The following SS18 variants were observed in gnomAD, a reference collection of about 807,000 sequenced individuals.
SS18 encodes protein SSXT.
In SS18, 28 loss-of-function variants were observed where a neutral mutation model predicts 72.5. That is an observed-to-expected ratio of 0.39 (90% CI 0.29 to 0.53). The LOEUF (loss-of-function observed/expected upper bound fraction) is 0.53. SS18 is among the 20% of genes least tolerant of loss of function. SS18 has a pLI of 0.76. For missense variants in SS18, 518 were observed against 535.3 expected (o/e 0.97, Z 0.32); for synonymous variants, 172 against 164.2 (o/e 1.05, Z -0.37).
intron 3 of SS18, among the ~76,000 whole-genome samples, chr18:26,060,386 A>T (rs2054097886): frequency 6.6e-6 from 1 of 152,104 alleles, no homozygotes; most frequent in Non-Finnish European, 1.5e-5. Flanking sequence ...TTGCCAGGGG[A>T]TGGGGAGAGG....
chr18:26,039,401 G>A lies in SS18; in HGVS notation c.663C>T (p.Gly221=), dbSNP rs145989428. 36 of 1,613,594 alleles carry A rather than the reference G, an allele frequency of 2.2e-5. No individual in the cohort carries two copies. Among genetic ancestry groups the A allele is most frequent in the East Asian group, 4.5e-5 (2 of 44,868 alleles). The change falls in exon 6 of 11, where the codon GGC becomes GGT. Residue 221 remains glycine, a synonymous_variant. Coordinates refer to ENST00000415083, the MANE Select transcript of SS18 (RefSeq NM_001007559.3). The part of the protein sequence containing the change: ...PSQQYNMPQG[G]GQHYQGQQPP... ...GCTGCTGTCCTTGGTAATGCTGTCC[G>A]CCTCCCTGTGGCATATTGTATTGCT...
At chr18:26,090,464 G>C in intron 1 of SS18, 37 bp downstream of exon 1, 1 of 1,548,910 alleles carries the variant, frequency 6.5e-7, no homozygotes, top group Non-Finnish European at 8.7e-7. Flanking sequence ...CCCAGAGGCG[G>C]TAAGGGCCTG....
At chr18:26,059,755 G>GT (rs1477855960) in intron 3 of SS18, among the ~76,000 whole-genome samples, 1 of 152,138 alleles carries the variant, frequency 6.6e-6, no homozygotes, top group Non-Finnish European at 1.5e-5. Flanking sequence ...TTGGAGCAAA[G>GT]TAACACAAAC....
At chr18:26,089,771 GAC>G (rs2054682841) in intron 1 of SS18, 1 of 152,244 alleles carries the variant, frequency 6.6e-6, no homozygotes, top group African/African-American at 2.4e-5. Flanking sequence ...AACTGGTCAC[GAC>G]AGTCTCCACC....
chr18:26,048,154 T>C (rs1287333909), intron 5 of SS18, among the ~76,000 whole-genome samples: 2 of 152,258 alleles, frequency 1.3e-5, no homozygotes, highest in African/African-American at 4.8e-5. Context: ...TTATATGCTG[T>C]AGGAATGTGA....
chr18:26,057,522 T>G, intron 4 of SS18, 67 bp downstream of exon 4: 197 of 1,582,410 alleles, frequency 1.2e-4, no homozygotes, highest in Middle Eastern at 3.9e-4. Flanking sequence ...TAGTATCCCT[T>G]GAGCCCCCAT....
Position 26,077,355 on chromosome 18 carries a change from G to A in SS18, c.231+721C>T, listed in dbSNP as rs560339772. 9.7e-4 allele frequency among the ~76,000 whole-genome samples: 147 copies of A among 151,986 alleles called. 3 individuals carry two copies. Among genetic ancestry groups the A allele is most frequent in the Non-Finnish European group, 3.2e-4 (22 of 67,888 alleles). The stretch of plus-strand genomic sequence containing the variant: ...CTAATTACCAGTTTACATGAAATAA[G>A]AGAAACAAAGGAACACGTTAAAGGA... On this transcript the variant is annotated intron_variant, in intron 3 of 10. Transcript: ENST00000415083.
intron 3 of SS18, among the ~76,000 whole-genome samples, chr18:26,076,171 T>C (rs2054407789): frequency 1.3e-5 from 2 of 151,616 alleles, no homozygotes; most frequent in Non-Finnish European, 3.0e-5. Flanking sequence ...GTAATCTGAA[T>C]GAAAATCCCT....
At chr18:26,051,924 G>C (rs1281946222) in intron 5 of SS18, among the ~76,000 whole-genome samples, 3 of 152,014 alleles carry the variant, frequency 2.0e-5, no homozygotes, top group African/African-American at 7.2e-5. Context: ...TCAAAATCTA[G>C]AAAATTTTAT....
chr18:26,066,380 C>G (rs956828713), intron 3 of SS18, among the ~76,000 whole-genome samples: 6 of 152,066 alleles, frequency 3.9e-5, no homozygotes, highest in African/African-American at 1.4e-4. Flanking sequence ...CCTACTCCAC[C>G]TTCACATCTC....
chr18:26,034,491 C>T (rs545453837), intron 9 of SS18, among the ~76,000 whole-genome samples: 1 of 151,764 alleles, frequency 6.6e-6, no homozygotes, highest in African/African-American at 2.4e-5. Flanking sequence ...GTATGATACA[C>T]AGCTGCAATA....
chr18:26,086,477 A>G (rs1257929954), intron 2 of SS18, among the ~76,000 whole-genome samples: 1 of 152,242 alleles, frequency 6.6e-6, no homozygotes, highest in Non-Finnish European at 1.5e-5. Context: ...AAATGATACT[A>G]TTTTGGAAAT....
At chr18:26,044,789 T>A (rs907380640) in intron 5 of SS18, among the ~76,000 whole-genome samples, 4 of 151,966 alleles carry the variant, frequency 2.6e-5, no homozygotes, top group African/African-American at 7.3e-5. Context: ...GGGTAAAGGA[T>A]CGAGATTGGA....
rs1205881098 is a variant in SS18 at position 26,052,718 on chromosome 18, C to G, written c.513G>C (p.Gln171His). ...TCATCTGATTCTGTACTGGCATGCT[C>G]TGTGATGATGGCACAGAATGGTTGT... ...GGYNHSVPSS[Q>H]SMPVQNQMTM... Residue 171 changes from glutamine to histidine, a missense_variant, in exon 5 of 11, where the codon CAG becomes CAC. Coordinates refer to ENST00000415083, the MANE Select transcript of SS18 (RefSeq NM_001007559.3). The G allele has an allele frequency of 2.5e-6, 4 of 1,614,030 alleles. No individual in the cohort carries two copies.
In SS18 at chr18:26,039,353, T is replaced by C; in HGVS notation, c.711A>G (p.Gln237=). Residue 237 remains glutamine (Q), a synonymous_variant, in exon 6 of 11, where the codon CAA becomes CAG. Transcript: ENST00000415083. ...CCATCATATGATTGCCTTGGTTAACTTGACCCATCATTCCCATAGGTGGCT... is the reference window on the plus strand; with the variant it reads ...CCATCATATGATTGCCTTGGTTAACCTGACCCATCATTCCCATAGGTGGCT... ...GQQPPMGMMG[Q]VNQGNHMMGQ... 1 of 1,613,970 alleles carries C rather than the reference T, an allele frequency of 6.2e-7. No individual in the cohort carries two copies. Among genetic ancestry groups the C allele is most frequent in the Non-Finnish European group, 8.5e-7 (1 of 1,179,902 alleles).
Position 26,052,763 on chromosome 18 carries a change from G to T in SS18, c.468C>A (p.Ser156Arg). ...GGTTGTAACCTCCCATGGATCCATG[G>T]CTACTTGAAGGCATATTCATGGAAC... The part of the protein sequence containing the change: ...TNSSMNMPSS[S>R]HGSMGGYNHS... Residue 156 changes from serine to arginine, a missense_variant, in exon 5 of 11, where the codon AGC (serine) becomes AGA (arginine). By Grantham distance (110) the Ser-to-Arg change is moderately radical. Transcript: ENST00000415083. 1 of 1,614,122 alleles carries T rather than the reference G, an allele frequency of 6.2e-7. No homozygotes were observed. The highest frequency in any genetic ancestry group is 8.5e-7 in the Non-Finnish European group (1 of 1,179,986).
chr18:26,045,963 G>C (rs925929499), intron 5 of SS18, among the ~76,000 whole-genome samples: 2 of 152,012 alleles, frequency 1.3e-5, no homozygotes, highest in African/African-American at 4.8e-5. Context: ...TAGGTGGGTG[G>C]ATCACTTGAG....
At position 26,018,328 on chromosome 18, in the gene SS18, C is replaced by G. The variant is rs375562851; in HGVS notation, c.*26G>C. 1.9e-6 allele frequency: 3 copies of G among 1,592,636 alleles called. No homozygotes were observed. The highest frequency in any genetic ancestry group is 1.3e-5 in the African/African-American group (1 of 74,452). ...GTGACAATATGGCTGCTAATAGATA[C>G]TGGCTACTGGAATGTAAGTACTTTT... On this transcript the variant is annotated 3_prime_UTR_variant, in exon 11 of 11. Coordinates refer to ENST00000415083, the MANE Select transcript of SS18 (RefSeq NM_001007559.3).
intron 10 of SS18, among the ~76,000 whole-genome samples, chr18:26,031,004 C>T (rs1254103485): frequency 6.6e-6 from 1 of 152,136 alleles, no homozygotes; most frequent in Non-Finnish European, 1.5e-5. Context: ...GACTATTTTA[C>T]CTCCGTAGGA....
Sources: gnomAD v4.1 joint callset for allele counts (sites outside exome capture counted in the v4.1 genomes callset) on GRCh38, gnomAD v4.1.1 for gene constraint, MANE v1.5 for transcripts, NCBI Gene and HGNC (gene_info 2026-07-23, HGNC 2026-07-21) for gene names.